The following RGP1 variants were observed in gnomAD, a reference collection of about 807,000 sequenced individuals.
The protein encoded by RGP1 is RAB6A-GEF complex partner protein 2.
In RGP1, 28 loss-of-function variants were observed where a neutral mutation model predicts 44.5. That is an observed-to-expected ratio of 0.63 (90% confidence interval 0.47 to 0.86). The LOEUF is 0.86. Ranked by LOEUF, RGP1 falls within the 40% of genes least tolerant of loss-of-function variation. The pLI, the probability that RGP1 is intolerant of heterozygous loss-of-function variation, is 0.00. For synonymous variants in RGP1, 212 were observed against 196.7 expected, an observed-to-expected ratio of 1.08 and a Z score of -0.65; for missense variants, 417 against 490.7, an observed-to-expected ratio of 0.85 and a Z score of 1.42.
downstream of RGP1, among the ~76,000 whole-genome samples, chr9:35,760,103 C>G (rs765543140): frequency 6.6e-6 from 1 of 151,948 alleles, no homozygotes; most frequent in Non-Finnish European, 1.5e-5. Flanking sequence ...ATTGTCAGTT[C>G]TAATCTTCTC....
the RGP1 span, among the ~76,000 whole-genome samples, chr9:35,781,872 C>G: frequency 1.3e-5 from 2 of 151,600 alleles, no homozygotes; most frequent in African/African-American, 4.9e-5. Flanking sequence ...ATGGAAGCAT[C>G]TAATTACAAT....
Position 35,755,301 on chromosome 9 carries a change from G to A in RGP1, c.*2427G>A. 6.6e-6 allele frequency: 1 copy of A among 152,260 alleles called. No homozygotes were observed. The highest frequency in any genetic ancestry group is 1.9e-4 in the East Asian group (1 of 5,200). The allele number at this position is 152,260 out of a possible 1,614,324, so 9.4% of individuals were successfully genotyped here. A position where few individuals can be genotyped will look rare whatever the true frequency, so the allele number is the denominator to read the frequency against. ...ACCATCTCTGGTGCGTAAGCGTCAG[G>A]AAATAGCAGTTGCTGTGATTGGGGC... On this transcript the variant is annotated 3_prime_UTR_variant, in exon 9 of 9. Coordinates refer to ENST00000378078, the MANE Select transcript of RGP1 (RefSeq NM_001080496.3).
chr9:35,753,473 C>T lies in RGP1; in HGVS notation c.*599C>T. 1 of 769,174 alleles carries T rather than the reference C, an allele frequency of 1.3e-6. No individual in the cohort carries two copies. The highest frequency in any genetic ancestry group is 3.2e-4 in the Middle Eastern group (1 of 3,082). The allele number at this position is 769,174 out of a possible 1,614,324, so 47.6% of individuals were successfully genotyped here. ...AACAGGAGTATTTTCTCTCCAGGTCCACCCCAACCTCCCCTGATTTATAGC... is the reference window on the plus strand; with the variant it reads ...AACAGGAGTATTTTCTCTCCAGGTCTACCCCAACCTCCCCTGATTTATAGC... On this transcript the variant is annotated 3_prime_UTR_variant, in exon 9 of 9. Transcript: ENST00000378078. The surrounding 1 kb of genome is among the most constrained non-coding windows in gnomAD (Gnocchi z 4.2).
chr9:35,777,555 A>G, the RGP1 span, among the ~76,000 whole-genome samples: 1 of 151,708 alleles, frequency 6.6e-6, no homozygotes, highest in Non-Finnish European at 1.5e-5. Context: ...TTGGCCTCAA[A>G]TGATCCTTCC....
At chr9:35,770,084 G>A in the RGP1 span, among the ~76,000 whole-genome samples, 7 of 152,304 alleles carry the variant, frequency 4.6e-5, no homozygotes, top group Non-Finnish European at 1.5e-5. Context: ...CAAGTTAAGG[G>A]ATTGTTAATT....
chr9:35,780,226 C>G, the RGP1 span: 1 of 152,170 alleles, frequency 6.6e-6, no homozygotes, highest in Non-Finnish European at 1.5e-5. Context: ...AGAGGAGAAG[C>G]AGAATCAATA....
chr9:35,782,265 G>A, the RGP1 span, among the ~76,000 whole-genome samples: 1 of 152,104 alleles, frequency 6.6e-6, no homozygotes, highest in African/African-American at 2.4e-5. Context: ...GGTGCCGTTA[G>A]AAAATAATTA....
chr9:35,760,609 A>T (rs1827409693), downstream of RGP1, among the ~76,000 whole-genome samples: 1 of 152,204 alleles, frequency 6.6e-6, no homozygotes, highest in African/African-American at 2.4e-5. Flanking sequence ...CTTACTTGGT[A>T]GGTGGTAGCT....
the RGP1 span, among the ~76,000 whole-genome samples, chr9:35,768,445 A>T: frequency 1.3e-5 from 2 of 152,144 alleles, no homozygotes; most frequent in Non-Finnish European, 2.9e-5. Flanking sequence ...GGCATTCCCT[A>T]TGTGCAACAG....
downstream of RGP1, among the ~76,000 whole-genome samples, chr9:35,759,917 C>CTTTTTTTTTTTTTTTT (rs34848500): frequency 7.5e-6 from 1 of 132,986 alleles, no homozygotes; most frequent in African/African-American, 2.8e-5. Context: ...TTCATTTTTC[C>CTTTTTTTTTTTTTTTT]TTTTTTTTTT....
At chr9:35,775,649 T>C in the RGP1 span, among the ~76,000 whole-genome samples, 1 of 152,216 alleles carries the variant, frequency 6.6e-6, no homozygotes, top group African/African-American at 2.4e-5. Context: ...CTTAAGGATA[T>C]TGAACTAAGT....
At chr9:35,787,049 G>A in the RGP1 span, among the ~76,000 whole-genome samples, 394 of 150,826 alleles carry the variant, frequency 2.6e-3, 2 homozygotes, top group Non-Finnish European at 4.4e-3. Flanking sequence ...GCAGTGAGCC[G>A]AGAATGAGCC....
chr9:35,770,537 G>C, the RGP1 span, among the ~76,000 whole-genome samples: 1 of 112,134 alleles, frequency 8.9e-6, no homozygotes. Flanking sequence ...GAGAGAGAGA[G>C]AGTTGAGTGG....
chr9:35,759,116 A>G (rs1281471296), downstream of RGP1, among the ~76,000 whole-genome samples: 1 of 152,220 alleles, frequency 6.6e-6, no homozygotes, highest in Non-Finnish European at 1.5e-5. Context: ...TCTCAAATTC[A>G]TATCCACTTC....
In RGP1 at chr9:35,754,575, T is replaced by TC. The variant is rs577701242; in HGVS notation, c.*1706dup. 6.5e-6 allele frequency: 1 copy of TC among 153,738 alleles called. No homozygotes were observed. Among genetic ancestry groups the TC allele is most frequent in the Non-Finnish European group, 1.4e-5 (1 of 69,332 alleles). The allele number at this position is 153,738 out of a possible 1,614,324, so 9.5% of individuals were successfully genotyped here. ...GGAAGCATTCCACCTTCCCCCTTTCTCCCCCACTGCCACCACCAGGGGTGT... is the reference window on the plus strand; with the variant it reads ...GGAAGCATTCCACCTTCCCCCTTTCTCCCCCCACTGCCACCACCAGGGGTGT... On this transcript the variant is annotated 3_prime_UTR_variant, in exon 9 of 9. Transcript: ENST00000378078.
chr9:35,772,484 A>T, the RGP1 span: 1 of 152,204 alleles, frequency 6.6e-6, no homozygotes, highest in East Asian at 1.9e-4. Flanking sequence ...TTCTTCATCC[A>T]GATCATTTGT....
chr9:35,759,558 C>A (rs1827398768), downstream of RGP1, among the ~76,000 whole-genome samples: 1 of 100,058 alleles, frequency 1.0e-5, no homozygotes, highest in South Asian at 3.9e-4. Context: ...CAGAGGGAGA[C>A]CCTGTCTCCA....
At chr9:35,750,035 G>A (rs1310898971) in intron 2 of RGP1, among the ~76,000 whole-genome samples, 164 bp downstream of exon 2, 2 of 152,216 alleles carry the variant, frequency 1.3e-5, no homozygotes, top group East Asian at 3.9e-4. Flanking sequence ...GGATGACATA[G>A]CTGTACGCTT....
In RGP1 at chr9:35,752,765, T is replaced by TA; in HGVS notation, c.1068dup (p.Pro357ThrfsTer17). The TA allele has an allele frequency of 6.2e-7, 1 of 1,613,796 alleles. No individual in the cohort carries two copies. The highest frequency in any genetic ancestry group is 1.3e-5 in the African/African-American group (1 of 75,028). On this transcript the variant is annotated frameshift_variant, in exon 9 of 9. Coordinates refer to ENST00000378078, the MANE Select transcript of RGP1 (RefSeq NM_001080496.3). LOFTEE classifies it high-confidence loss of function. ...ACCACCTGGACAGGACCTGAGCAAG[T>TA]ACCTGTAGACACCTTCAGCTGGGAC...
Sources: allele counts gnomAD v4.1 joint callset (sites outside exome capture counted in the v4.1 genomes callset), GRCh38; gene constraint gnomAD v4.1.1; non-coding constraint Gnocchi (gnomAD v3.1); transcripts MANE v1.5; gene names NCBI Gene and HGNC (gene_info 2026-07-23, HGNC 2026-07-21).